RBFOX1: variants seen among roughly 807,000 people sequenced by gnomAD.
The protein encoded by RBFOX1 is RNA binding protein fox-1 homolog 1.
In RBFOX1, 8 loss-of-function variants were observed where a neutral mutation model predicts 57.7. The ratio of observed to expected loss-of-function variants is 0.14; its 90% CI spans 0.08 to 0.25. RBFOX1 has a LOEUF of 0.25. Ranked by LOEUF, RBFOX1 falls within the 10% of genes least tolerant of loss-of-function variation. The pLI is 1.00. For synonymous variants in RBFOX1, 326 were observed against 222.4 expected (o/e 1.47, Z -4.15); for missense variants, 611 against 548.5 (o/e 1.11, Z -1.14).
chr16:7,513,896 C>T (rs1236350274), intron 4 of RBFOX1, among the ~76,000 whole-genome samples: 1 of 152,204 alleles, frequency 6.6e-6, no homozygotes, highest in Non-Finnish European at 1.5e-5. Flanking sequence ...CCAAAAGATT[C>T]TGACCCACTG....
At chr16:6,602,011 A>G (rs1437189351) in intron 2 of RBFOX1, among the ~76,000 whole-genome samples, 1 of 152,184 alleles carries the variant, frequency 6.6e-6, no homozygotes, top group East Asian at 1.9e-4. Context: ...TGGAGGAATG[A>G]AGTACCTAGA....
intron 3 of RBFOX1, among the ~76,000 whole-genome samples, chr16:6,746,094 C>G (rs2073550949): frequency 1.3e-5 from 2 of 152,076 alleles, no homozygotes; most frequent in Non-Finnish European, 2.9e-5. Context: ...ACCCTTAAAA[C>G]TACAGAATAG....
chr16:6,748,942 C>T (rs980762242), intron 3 of RBFOX1: 44 of 152,092 alleles, frequency 2.9e-4, no homozygotes, highest in African/African-American at 8.0e-4. Flanking sequence ...TGTCTAGCAA[C>T]CTTTCTGGTT....
At chr16:6,941,265 T>TCTCTCCCTCCCTCCCATTC (rs1567989938) in intron 3 of RBFOX1, among the ~76,000 whole-genome samples, 1 of 106,246 alleles carries the variant, frequency 9.4e-6, no homozygotes, top group African/African-American at 3.6e-5. Context: ...CCCTCCCATT[T>TCTCTCCCTCCCTCCCATTC]CCTCTCTCCC....
chr16:6,891,552 A>C (rs981818726), intron 3 of RBFOX1, among the ~76,000 whole-genome samples: 1 of 152,092 alleles, frequency 6.6e-6, no homozygotes, highest in Non-Finnish European at 1.5e-5. Flanking sequence ...TTAGTCTGTG[A>C]TGGTTAGTTT....
chr16:6,995,959 T>C (rs531170756), intron 3 of RBFOX1, among the ~76,000 whole-genome samples: 12 of 152,306 alleles, frequency 7.9e-5, no homozygotes, highest in Non-Finnish European at 1.2e-4. Context: ...TCTGAAACTT[T>C]CTAGTCCCTA....
chr16:7,695,963 G>T (rs28631652), intron 14 of RBFOX1, among the ~76,000 whole-genome samples: 1 of 152,156 alleles, frequency 6.6e-6, no homozygotes, highest in Admixed American at 6.5e-5. Flanking sequence ...CAGGGGCTTC[G>T]GGTGGAGATA....
chr16:6,900,171 C>A (rs547717295), intron 3 of RBFOX1, among the ~76,000 whole-genome samples: 51 of 152,216 alleles, frequency 3.4e-4, no homozygotes, highest in African/African-American at 1.2e-3. Context: ...TGTTCATGTT[C>A]TTATGCTGAG....
intron 3 of RBFOX1, among the ~76,000 whole-genome samples, chr16:5,717,984 C>T (rs2051780953): frequency 6.6e-6 from 1 of 152,030 alleles, no homozygotes; most frequent in Admixed American, 6.5e-5. Flanking sequence ...CAATGTTATG[C>T]ATCTACACTT....
chr16:7,361,352 AT>A (rs1412009584), intron 4 of RBFOX1, among the ~76,000 whole-genome samples: 1 of 152,260 alleles, frequency 6.6e-6, no homozygotes, highest in African/African-American at 2.4e-5. Flanking sequence ...AAAGCTTTGC[AT>A]TAAGCAGATG....
intron 2 of RBFOX1, among the ~76,000 whole-genome samples, chr16:6,628,693 A>G (rs1383064635): frequency 1.3e-5 from 2 of 152,162 alleles, no homozygotes; most frequent in Non-Finnish European, 2.9e-5. Flanking sequence ...TGATACTGAA[A>G]TATACAAACC....
chr16:5,916,363 C>A (rs114820495), intron 4 of RBFOX1, among the ~76,000 whole-genome samples: 1 of 152,104 alleles, frequency 6.6e-6, no homozygotes, highest in Non-Finnish European at 1.5e-5. Context: ...TATTAATTCT[C>A]GGTTTCACCT....
chr16:5,349,604 C>A (rs542695486), intron 1 of RBFOX1, among the ~76,000 whole-genome samples: 1 of 34,314 alleles, frequency 2.9e-5, no homozygotes, highest in Non-Finnish European at 5.4e-5. Context: ...AACAGGGAGG[C>A]GGAGGTTTCA....
chr16:6,791,346 C>T (rs989893933), intron 3 of RBFOX1, among the ~76,000 whole-genome samples: 5 of 152,280 alleles, frequency 3.3e-5, no homozygotes, highest in African/African-American at 9.6e-5. Flanking sequence ...TTTTAAAATA[C>T]TTTGCATCAA....
intron 2 of RBFOX1, among the ~76,000 whole-genome samples, chr16:6,424,074 C>T (rs745712277): frequency 2.6e-5 from 4 of 152,080 alleles, no homozygotes; most frequent in Non-Finnish European, 5.9e-5. Context: ...CCCATCTCTA[C>T]TAAAAATAAC....
At chr16:6,735,141 C>T (rs2154177388) in intron 3 of RBFOX1, among the ~76,000 whole-genome samples, 1 of 152,054 alleles carries the variant, frequency 6.6e-6, no homozygotes, top group South Asian at 2.1e-4. Context: ...AGAGTGAGAC[C>T]CTGTCTCAAC....
At chr16:5,482,569 A>G (rs746058886) in intron 2 of RBFOX1, among the ~76,000 whole-genome samples, 29 of 152,204 alleles carry the variant, frequency 1.9e-4, no homozygotes, top group Non-Finnish European at 4.1e-4. Context: ...ATGCCTATCA[A>G]TTGTAGGGAC....
At chr16:5,723,835 G>A (rs535015196) in intron 3 of RBFOX1, among the ~76,000 whole-genome samples, 2 of 152,228 alleles carry the variant, frequency 1.3e-5, no homozygotes, top group Non-Finnish European at 2.9e-5. Context: ...AAATCTGTCT[G>A]TAGACTGGAC....
intron 4 of RBFOX1, among the ~76,000 whole-genome samples, chr16:7,078,906 T>G (rs1285226328): frequency 7.4e-6 from 1 of 135,446 alleles, no homozygotes. Flanking sequence ...GATGGGGTTT[T>G]ACCATGTTGT....
Sources: gnomAD v4.1 joint callset for allele counts (sites outside exome capture counted in the v4.1 genomes callset) on GRCh38, gnomAD v4.1.1 for gene constraint, MANE v1.5 for transcripts, NCBI Gene and HGNC (gene_info 2026-07-23, HGNC 2026-07-21) for gene names.